DHRSX: variants seen among roughly 807,000 people sequenced by gnomAD.
DHRSX encodes the protein dehydrogenase/reductase X-linked.
DHRSX carries 31 observed loss-of-function variants against 34.0 expected under a neutral mutation model. That is an observed-to-expected ratio of 0.91 (90% CI 0.69 to 1.23). DHRSX has a LOEUF of 1.23. DHRSX is among the 50% of genes most tolerant of loss of function. DHRSX has a pLI of 0.00. For missense variants in DHRSX, 414 were observed against 428.1 expected, an observed-to-expected ratio of 0.97 and a Z score of 0.29; for synonymous variants, 201 against 183.8, an observed-to-expected ratio of 1.09 and a Z score of -0.76.
At chrX:2,345,442 AG>A (rs2042693656) in intron 3 of DHRSX, among the ~76,000 whole-genome samples, 1 of 151,934 alleles carries the variant, frequency 6.6e-6, no homozygotes, top group African/African-American at 2.4e-5. Context: ...CAGGAGTTTG[AG>A]ATCAGCCTGG....
chrX:2,353,584 A>ATTGT (rs2042813214), intron 3 of DHRSX, among the ~76,000 whole-genome samples: 1 of 136,130 alleles, frequency 7.3e-6, no homozygotes, highest in Non-Finnish European at 1.6e-5. Context: ...AGCTGATTGC[A>ATTGT]TTTTTTTTTT....
At chrX:2,369,450 G>A (rs961245304) in intron 3 of DHRSX, among the ~76,000 whole-genome samples, 5 of 151,994 alleles carry the variant, frequency 3.3e-5, no homozygotes, top group African/African-American at 7.2e-5. Context: ...TGGAGTATTC[G>A]TGAGGGGCTA....
intron 1 of DHRSX, among the ~76,000 whole-genome samples, chrX:2,443,265 T>C (rs183031955): frequency 3.9e-4 from 59 of 151,986 alleles, no homozygotes; most frequent in African/African-American, 1.3e-3. Context: ...ACTCCTGGAC[T>C]CAAGTGATTT....
chrX:2,237,597 C>G (rs768971105), intron 6 of DHRSX, among the ~76,000 whole-genome samples: 1 of 151,994 alleles, frequency 6.6e-6, no homozygotes, highest in South Asian at 2.1e-4. Context: ...TTTCCGCCCC[C>G]GGGTTCAAGC....
At chrX:2,499,822 A>G (rs1480448522) in intron 1 of DHRSX, among the ~76,000 whole-genome samples, 1 of 152,156 alleles carries the variant, frequency 6.6e-6, no homozygotes, top group Admixed American at 6.5e-5. Context: ...AGGAAGGAAG[A>G]TCGCTTGAGC....
At chrX:2,269,835 C>T (rs1261321879) in intron 4 of DHRSX, among the ~76,000 whole-genome samples, 2 of 152,024 alleles carry the variant, frequency 1.3e-5, no homozygotes, top group Non-Finnish European at 2.9e-5. Context: ...ACACTGCACC[C>T]GGCCGTGTGT....
intron 3 of DHRSX, among the ~76,000 whole-genome samples, chrX:2,308,961 A>G (rs746743522): frequency 5.3e-5 from 8 of 152,270 alleles, no homozygotes; most frequent in African/African-American, 1.9e-4. Flanking sequence ...CAGGAAATGC[A>G]AACTTACAAA....
chrX:2,228,381 A>G (rs867760764), intron 6 of DHRSX, among the ~76,000 whole-genome samples: 1 of 1,112 alleles, frequency 9.0e-4, no homozygotes, highest in Admixed American at 6.8e-3. Flanking sequence ...GGGAGGGAGG[A>G]ATGAAGGGAG....
chrX:2,462,366 CA>C (rs1368228225), intron 1 of DHRSX, among the ~76,000 whole-genome samples: 4 of 151,752 alleles, frequency 2.6e-5, no homozygotes, highest in Non-Finnish European at 5.9e-5. Context: ...GAAAAAAAGG[CA>C]AAAGAGCAAT....
At chrX:2,291,689 A>G (rs761076823) in intron 3 of DHRSX, 86 bp from the exon 4 acceptor site, 4 of 978,346 alleles carry the variant, frequency 4.1e-6, no homozygotes, top group East Asian at 2.4e-5. Context: ...GTCAAACTCA[A>G]TTTCATCTAG....
chrX:2,351,411 T>C (rs1331005948), intron 3 of DHRSX, among the ~76,000 whole-genome samples: 2 of 152,164 alleles, frequency 1.3e-5, no homozygotes, highest in African/African-American at 2.4e-5. Context: ...TAAATATGCC[T>C]GAATAACATG....
intron 5 of DHRSX, among the ~76,000 whole-genome samples, chrX:2,265,634 C>G (rs2041447473): frequency 7.8e-6 from 1 of 128,168 alleles, no homozygotes; most frequent in Non-Finnish European, 1.8e-5. Flanking sequence ...CCCAGAGCAC[C>G]AGTGTACAGC....
chrX:2,247,900 G>A (rs2016336368), intron 5 of DHRSX, among the ~76,000 whole-genome samples: 2 of 151,972 alleles, frequency 1.3e-5, no homozygotes, highest in East Asian at 3.9e-4. Flanking sequence ...CTTCCCCAAG[G>A]TGGGTCCCGA....
At chrX:2,499,856 G>A (rs772071631) in intron 1 of DHRSX, among the ~76,000 whole-genome samples, 2 of 152,256 alleles carry the variant, frequency 1.3e-5, no homozygotes, top group South Asian at 4.1e-4. Flanking sequence ...ACCAGCCTGA[G>A]CAACATAGCA....
intron 1 of DHRSX, among the ~76,000 whole-genome samples, chrX:2,471,560 A>G (rs1356995943): frequency 1.4e-5 from 2 of 139,238 alleles, no homozygotes; most frequent in South Asian, 2.2e-4. Context: ...GCAAAACTCC[A>G]TCTCAAAAAA....
chrX:2,405,572 G>A (rs368871570), intron 3 of DHRSX, among the ~76,000 whole-genome samples: 6 of 152,174 alleles, frequency 3.9e-5, no homozygotes, highest in African/African-American at 1.4e-4. Context: ...TTGGGAGGCC[G>A]AGGTGAATGG....
At chrX:2,489,050 C>A in intron 1 of DHRSX, 1 of 1,613,822 alleles carries the variant, frequency 6.2e-7, no homozygotes, top group Non-Finnish European at 8.5e-7. Context: ...GTCCTCCACG[C>A]CGCCTGTCTG....
At chrX:2,222,728 C>T (rs1434326626) in intron 6 of DHRSX, among the ~76,000 whole-genome samples, 1 of 152,198 alleles carries the variant, frequency 6.6e-6, no homozygotes, top group Non-Finnish European at 1.5e-5. Flanking sequence ...AGTTCAGGCA[C>T]ACACCCTCCA....
intron 3 of DHRSX, among the ~76,000 whole-genome samples, chrX:2,400,003 T>C (rs2043467050): frequency 6.6e-6 from 1 of 152,104 alleles, no homozygotes; most frequent in Non-Finnish European, 1.5e-5. Flanking sequence ...ACCACTGCAC[T>C]CCAACCTGGG....
Sources: gnomAD v4.1 joint callset for allele counts (sites outside exome capture counted in the v4.1 genomes callset) on GRCh38, gnomAD v4.1.1 for gene constraint, MANE v1.5 for transcripts, NCBI Gene and HGNC (gene_info 2026-07-23, HGNC 2026-07-21) for gene names.